Variants in PRDM15 observed in about 807,000 individuals in gnomAD.
The protein encoded by PRDM15 is PR/SET domain 15.
PRDM15 carries 64 observed loss-of-function variants against 128.6 expected under a neutral mutation model. The observed-to-expected ratio is 0.50, with a 90% CI of 0.41 to 0.61. The LOEUF is 0.61. Ranked by LOEUF, PRDM15 falls within the 20% of genes least tolerant of loss-of-function variation. PRDM15 has a pLI of 0.00. For synonymous variants in PRDM15, 615 were observed against 621.8 expected (o/e 0.99, Z 0.16); for missense variants, 1,242 against 1,569.1 (o/e 0.79, Z 3.52).
chr21:41,849,499 T>C (rs1052155782), intron 5 of PRDM15, among the ~76,000 whole-genome samples: 1 of 149,958 alleles, frequency 6.7e-6, no homozygotes, highest in Non-Finnish European at 1.5e-5. Context: ...ACTCGGGAGG[T>C]GGAGGTTGCA....
At chr21:41,864,580 T>C (rs572617120) in intron 1 of PRDM15, among the ~76,000 whole-genome samples, 2 of 151,856 alleles carry the variant, frequency 1.3e-5, no homozygotes, top group African/African-American at 4.8e-5. Context: ...CGCTGTGACC[T>C]CTCTCGCCTC....
At chr21:41,851,692 C>T (rs568419651) in intron 5 of PRDM15, among the ~76,000 whole-genome samples, 4 of 152,186 alleles carry the variant, frequency 2.6e-5, no homozygotes, top group Admixed American at 6.5e-5. Flanking sequence ...CCAGGGCAGC[C>T]GGCAGCACTT....
chr21:41,819,918 C>T (rs1025963110), intron 17 of PRDM15, 177 bp downstream of exon 17: 33 of 769,798 alleles, frequency 4.3e-5, no homozygotes, highest in East Asian at 1.1e-4. Flanking sequence ...GGGCTGGGGG[C>T]GCTGGGCTGT....
intron 11 of PRDM15, among the ~76,000 whole-genome samples, chr21:41,831,198 C>T (rs181332885): frequency 1.0e-3 from 159 of 152,356 alleles, no homozygotes; most frequent in Non-Finnish European, 2.0e-3. Context: ...GCAAAGCAGC[C>T]GCCCTGCGCC....
rs746038651 is a variant in PRDM15, at chr21:41,859,641, G to A, written c.82C>T (p.Leu28=). 1.2e-6 allele frequency: 2 copies of A among 1,613,898 alleles called. No individual in the cohort carries two copies. Among genetic ancestry groups the A allele is most frequent in the African/African-American group, 1.3e-5 (1 of 74,858 alleles). Residue 28 remains leucine (L), a synonymous_variant, in exon 3 of 24, where the codon CTG becomes TTG. Transcript: ENST00000398548. The surrounding 1 kb of genome is among the most constrained non-coding windows in gnomAD (Gnocchi z 5.3). The part of the protein sequence containing the change: ...SQYHDSECPE[L]GPVVMVKDSF... ...TCTTTGACCATGACCACTGGGCCCA[G>A]CTCGGGACATTCGGAGTCGTGGTAC... is the stretch of plus-strand genomic sequence containing the variant.
At position 41,820,255 on chromosome 21, in the gene PRDM15, T is replaced by C. The variant is rs1601195315; in HGVS notation, c.2061-81A>G. ...GAGGGCACTTTCCCCAGCACCTTCA[T>C]CTGCAAAGGTGAGGCAACAAGGTGC... On this transcript the variant is annotated intron_variant, in intron 16 of 23. Coordinates refer to ENST00000398548, the MANE Select transcript of PRDM15 (RefSeq NM_001040424.3). 84 of 1,069,592 alleles carry C rather than the reference T, an allele frequency of 7.9e-5. 1 individual carries two copies. In the East Asian group the frequency reaches 2.1e-3, roughly 27 times the overall value. The allele number at this position is 1,069,592 out of a possible 1,614,324, so 66.3% of individuals were successfully genotyped here.
chr21:41,804,443 C>T, intron 22 of PRDM15, 91 bp downstream of exon 22: 1 of 1,009,112 alleles, frequency 9.9e-7, no homozygotes, highest in Non-Finnish European at 1.5e-6. Context: ...CAGAGCTGCT[C>T]CCTCCCGGCC....
rs143393748 is a variant in PRDM15 at position 41,878,737 on chromosome 21, C to G, written c.-10+533G>C. 4.5e-5 allele frequency: 70 copies of G among 1,557,376 alleles called. 1 individual carries two copies. In the South Asian group the frequency reaches 7.7e-4, roughly 17 times the overall value. On this transcript the variant is annotated intron_variant, in intron 1 of 23. Transcript: ENST00000398548. The stretch of plus-strand genomic sequence containing the variant: ...AAACGCGGGGTTGGGGGTCCAGGGA[C>G]CCCCCCGTGCGACCCGCATGGGCTG...
chr21:41,861,523 A>C, intron 1 of PRDM15: 19 of 1,482,026 alleles, frequency 1.3e-5, no homozygotes, highest in Non-Finnish European at 1.6e-5. Context: ...CCAAATGATT[A>C]TTCCTCCTCT....
At chr21:41,874,111 C>G (rs905131315) in intron 1 of PRDM15, among the ~76,000 whole-genome samples, 8 of 148,818 alleles carry the variant, frequency 5.4e-5, no homozygotes, top group African/African-American at 2.0e-4. Flanking sequence ...AGTGTAGACT[C>G]TACCACACTG....
At chr21:41,834,881 A>T (rs2062819390) in intron 11 of PRDM15, among the ~76,000 whole-genome samples, 1 of 152,226 alleles carries the variant, frequency 6.6e-6, no homozygotes. Context: ...TGGTCCAGGC[A>T]CACCCGGCTT....
chr21:41,852,674 G>A (rs1463804843), intron 5 of PRDM15, among the ~76,000 whole-genome samples: 2 of 152,198 alleles, frequency 1.3e-5, no homozygotes, highest in South Asian at 2.1e-4. Context: ...CAACCTGGCC[G>A]AAGAGGACGC....
intron 3 of PRDM15, 54 bp from the exon 4 acceptor site, chr21:41,857,383 A>G: frequency 2.5e-6 from 4 of 1,588,924 alleles, no homozygotes; most frequent in Non-Finnish European, 2.6e-6. Context: ...CCAGGGACCG[A>G]CTCGTTAAGA....
At chr21:41,839,305 C>G (rs2062994597) in intron 7 of PRDM15, among the ~76,000 whole-genome samples, 1 of 152,216 alleles carries the variant, frequency 6.6e-6, no homozygotes, top group African/African-American at 2.4e-5. Flanking sequence ...GTGGAATGAA[C>G]TCGTACAGAA....
In PRDM15 at chr21:41,855,956, CCCTCCCTCCCTTCCTTCCTTTCCTT is replaced by C. The variant is rs2063577789; in HGVS notation, c.286-1163_286-1139del. On this transcript the variant is annotated intron_variant, in intron 4 of 23. Transcript: ENST00000398548. ...CCTTCCTTCCTTTCCTTCCCTCCCT[CCCTCCCTCCCTTCCTTCCTTTCCTT>C]CCCTCCCTCCCTCCCCTCCCTTCCT... Among the ~76,000 whole-genome samples, 2 of 4,986 alleles carry C rather than the reference CCCTCCCTCCCTTCCTTCCTTTCCTT, an allele frequency of 4.0e-4. 1 individual carries two copies. Among genetic ancestry groups the C allele is most frequent in the African/African-American group, 2.1e-3 (2 of 960 alleles). 3.3% of individuals were successfully genotyped at this position (4,986 alleles called of 152,430 possible).
intron 19 of PRDM15, chr21:41,813,871 T>C (rs567950792): frequency 7.3e-5 from 11 of 151,554 alleles, no homozygotes; most frequent in Non-Finnish European, 1.5e-4. Flanking sequence ...GGTGCTCTAG[T>C]GTTTTATGAG....
chr21:41,839,140 T>C (rs1024478014), intron 7 of PRDM15, among the ~76,000 whole-genome samples: 1 of 152,206 alleles, frequency 6.6e-6, no homozygotes. Context: ...AGACAGGTCC[T>C]GGGAGCAACT....
rs756151491 is a variant in PRDM15 at position 41,874,502 on chromosome 21, CATAT to C, written c.-10+4764_-10+4767del. ...AAACCTACTATAACTAAGCAGCATG[CATAT>C]ATATATATATATATATATATTTTTT... On this transcript the variant is annotated intron_variant, in intron 1 of 23. Coordinates refer to ENST00000398548, the MANE Select transcript of PRDM15 (RefSeq NM_001040424.3). Among the ~76,000 whole-genome samples, 163 of 118,652 alleles carry C rather than the reference CATAT, an allele frequency of 1.4e-3. 1 individual carries two copies. The highest frequency in any genetic ancestry group is 3.8e-3 in the African/African-American group (122 of 32,230). The allele number at this position is 118,652 out of a possible 152,430, so 77.8% of individuals were successfully genotyped here.
At chr21:41,829,164 C>T (rs992476348) in intron 11 of PRDM15, among the ~76,000 whole-genome samples, 14 of 149,668 alleles carry the variant, frequency 9.4e-5, no homozygotes, top group Admixed American at 8.6e-4. Flanking sequence ...CACAAATACA[C>T]AATCACACAC....
Sources: allele counts gnomAD v4.1 joint callset (sites outside exome capture counted in the v4.1 genomes callset), GRCh38; gene constraint gnomAD v4.1.1; non-coding constraint Gnocchi (gnomAD v3.1); transcripts MANE v1.5; gene names NCBI Gene and HGNC (gene_info 2026-07-23, HGNC 2026-07-21).